The following SYT9 variants were observed in gnomAD, a reference collection of about 807,000 sequenced individuals.
SYT9 encodes synaptotagmin-9.
A neutral mutation model predicts 48.4 loss-of-function variants in SYT9; 22 were observed. The observed-to-expected ratio is 0.45, with a 90% confidence interval of 0.32 to 0.65. SYT9 has a LOEUF of 0.65. Among genes scored for constraint, SYT9 ranks in the 30% least tolerant of loss-of-function variants. The pLI, the probability that SYT9 is intolerant of heterozygous loss-of-function variation, is 0.03. For missense variants in SYT9, 577 were observed against 622.0 expected (o/e 0.93, Z 0.77); for synonymous variants, 265 against 245.0 (o/e 1.08, Z -0.76).
intron 3 of SYT9, among the ~76,000 whole-genome samples, chr11:7,320,898 G>T (rs1468812803): frequency 6.6e-6 from 1 of 152,192 alleles, no homozygotes; most frequent in East Asian, 1.9e-4. Context: ...AAGGGGGAAG[G>T]TCAAAATTTC....
At chr11:7,461,184 T>C (rs1266564088) in intron 6 of SYT9, 2 of 152,078 alleles carry the variant, frequency 1.3e-5, no homozygotes, top group African/African-American at 4.8e-5. Flanking sequence ...GTTATAACTT[T>C]TATCATTCCT....
At chr11:7,277,851 G>C (rs1848426529) in intron 1 of SYT9, among the ~76,000 whole-genome samples, 1 of 152,254 alleles carries the variant, frequency 6.6e-6, no homozygotes, top group Non-Finnish European at 1.5e-5. Context: ...GAAAGGCACA[G>C]TGCTAATGAT....
At chr11:7,287,005 A>C (rs973091352) in intron 1 of SYT9, among the ~76,000 whole-genome samples, 1 of 152,128 alleles carries the variant, frequency 6.6e-6, no homozygotes, top group African/African-American at 2.4e-5. Context: ...ATATTTTCAC[A>C]TATCTTTATA....
chr11:7,401,307 G>T (rs1247653808), intron 3 of SYT9, among the ~76,000 whole-genome samples: 1 of 150,116 alleles, frequency 6.7e-6, no homozygotes, highest in Non-Finnish European at 1.5e-5. Context: ...ATTATATTTT[G>T]TATATATATA....
At position 7,468,207 on chromosome 11, in the gene SYT9, C is replaced by G. The variant is rs1396561839; in HGVS notation, c.*1407C>G. The G allele has an allele frequency of 2.5e-6, 1 of 398,472 alleles. No individual in the cohort carries two copies. The highest frequency in any genetic ancestry group is 2.1e-5 in the African/African-American group (1 of 48,624). 24.7% of individuals were successfully genotyped at this position (398,472 alleles called of 1,614,324 possible). A position where few individuals can be genotyped will look rare whatever the true frequency, so the allele number is the denominator to read the frequency against. On this transcript the variant is annotated 3_prime_UTR_variant, in exon 7 of 7. Transcript: ENST00000318881. The stretch of plus-strand genomic sequence containing the variant: ...TTTACCTTCCTGGAAAGCTCATTAT[C>G]TCTGTTTGAATTAACATTTCAGCAT...
chr11:7,244,763 C>T (rs1179366156), intron 1 of SYT9, among the ~76,000 whole-genome samples: 4 of 152,202 alleles, frequency 2.6e-5, no homozygotes, highest in African/African-American at 9.7e-5. Context: ...AAGAATCCCA[C>T]ACCATTTCCC....
At chr11:7,397,026 T>C (rs887095941) in intron 3 of SYT9, among the ~76,000 whole-genome samples, 1 of 152,286 alleles carries the variant, frequency 6.6e-6, no homozygotes, top group Admixed American at 6.5e-5. Context: ...TCCATTTTTT[T>C]GTATTTGGCT....
chr11:7,372,193 A>G (rs1589979496), intron 3 of SYT9, among the ~76,000 whole-genome samples: 3 of 152,188 alleles, frequency 2.0e-5, no homozygotes, highest in Admixed American at 6.6e-5. Context: ...TATTTCAACC[A>G]TTCTGATGAT....
At chr11:7,259,610 A>G (rs1055981028) in intron 1 of SYT9, among the ~76,000 whole-genome samples, 23 of 152,016 alleles carry the variant, frequency 1.5e-4, no homozygotes, top group African/African-American at 2.4e-5. Context: ...AGTTGTTTCA[A>G]TTTGTGTTTT....
intron 1 of SYT9, among the ~76,000 whole-genome samples, chr11:7,296,610 AC>A (rs1409090155): frequency 2.6e-5 from 4 of 152,098 alleles, no homozygotes; most frequent in African/African-American, 4.8e-5. Context: ...ATTTAAATAT[AC>A]TTTAATTTTT....
chr11:7,425,442 G>A (rs1847436042), intron 6 of SYT9, among the ~76,000 whole-genome samples: 1 of 152,188 alleles, frequency 6.6e-6, no homozygotes, highest in Non-Finnish European at 1.5e-5. Context: ...GGGTGACTGG[G>A]AAAAGCCACG....
chr11:7,370,808 T>A (rs1391631808), intron 3 of SYT9, among the ~76,000 whole-genome samples: 2 of 152,174 alleles, frequency 1.3e-5, no homozygotes, highest in African/African-American at 4.8e-5. Context: ...ACAATAAGCA[T>A]GTTGACTATG....
rs147576000 is a variant in SYT9, at chr11:7,279,369, CA to C, written c.146-23663del. ...AATATGTCTTTTTTTCCGTTGAGAA[CA>C]AAAAAACTGACTCAAGGAAAGAATA... On this transcript the variant is annotated intron_variant, in intron 1 of 6. Transcript: ENST00000318881. Among the ~76,000 whole-genome samples the C allele has an allele frequency of 4.0e-5, 6 of 151,790 alleles. No individual in the cohort carries two copies. The South Asian group carries it at 6.2e-4, about 16-fold the overall frequency.
intron 3 of SYT9, among the ~76,000 whole-genome samples, chr11:7,347,107 C>T (rs1849813612): frequency 6.6e-6 from 1 of 152,226 alleles, no homozygotes; most frequent in African/African-American, 2.4e-5. Flanking sequence ...AAATGCAGAG[C>T]ACAGCCTTCA....
At position 7,436,696 on chromosome 11, in the gene SYT9, A is replaced by T. The variant is rs555623201; in HGVS notation, c.1467+16061A>T. Among the ~76,000 whole-genome samples, 7 of 152,316 alleles carry T rather than the reference A, an allele frequency of 4.6e-5. No individual in the cohort carries two copies. The East Asian group carries it at 1.4e-3, about 29-fold the overall frequency. On this transcript the variant is annotated intron_variant, in intron 6 of 6. Transcript: ENST00000318881. Reference sequence around the variant, plus strand: ...TCTAATTTGAAAGTTGAAGGTCTAAAACAGATAAATGCAAGAGCTACTGTG... The same window carrying T: ...TCTAATTTGAAAGTTGAAGGTCTAATACAGATAAATGCAAGAGCTACTGTG...
chr11:7,381,646 AC>A (rs1416356939), intron 3 of SYT9, among the ~76,000 whole-genome samples: 1 of 152,102 alleles, frequency 6.6e-6, no homozygotes, highest in Non-Finnish European at 1.5e-5. Context: ...ACCTTCCCTG[AC>A]TGTTTGGGAC....
chr11:7,345,153 C>T (rs1849777983), intron 3 of SYT9, among the ~76,000 whole-genome samples: 2 of 152,156 alleles, frequency 1.3e-5, no homozygotes, highest in African/African-American at 4.8e-5. Flanking sequence ...GTTTATCGTT[C>T]TCTTCTCTGG....
At chr11:7,292,316 T>C (rs1227012888) in intron 1 of SYT9, among the ~76,000 whole-genome samples, 3 of 152,128 alleles carry the variant, frequency 2.0e-5, no homozygotes, top group African/African-American at 7.2e-5. Context: ...AGTGTAAAGA[T>C]TTGAGCCAAT....
At chr11:7,399,730 T>G (rs193158743) in intron 3 of SYT9, among the ~76,000 whole-genome samples, 1 of 150,412 alleles carries the variant, frequency 6.6e-6, no homozygotes, top group East Asian at 1.9e-4. Flanking sequence ...AGTGCAGAAT[T>G]GTTGCATTGG....
Sources: gnomAD v4.1 joint callset for allele counts (sites outside exome capture counted in the v4.1 genomes callset) on GRCh38, gnomAD v4.1.1 for gene constraint, MANE v1.5 for transcripts, NCBI Gene and HGNC (gene_info 2026-07-23, HGNC 2026-07-21) for gene names.